The following PRKCZ variants were observed in gnomAD, a reference collection of about 807,000 sequenced individuals.
PRKCZ encodes the protein protein kinase C zeta, also known as protein kinase C zeta type.
In PRKCZ, 33 loss-of-function variants were observed where a neutral mutation model predicts 79.5. That is an observed-to-expected ratio of 0.41 (90% CI 0.31 to 0.55). The LOEUF is 0.55. Ranked by LOEUF, PRKCZ falls within the 20% of genes least tolerant of loss-of-function variation. The probability of loss-of-function intolerance (pLI) is 0.19; values close to 1 mark genes in which losing one functional copy is unlikely to be tolerated. For synonymous variants in PRKCZ, 342 were observed against 320.9 expected (o/e 1.07, Z -0.70); for missense variants, 578 against 813.5 (o/e 0.71, Z 3.52).
chr1:2,106,037 C>T (rs573446012), intron 4 of PRKCZ, among the ~76,000 whole-genome samples: 6 of 152,358 alleles, frequency 3.9e-5, no homozygotes, highest in South Asian at 4.1e-4. Flanking sequence ...GGCCCTTCCA[C>T]GTCTCCTGGC....
At chr1:2,092,074 G>T (rs1041613441) in intron 4 of PRKCZ, among the ~76,000 whole-genome samples, 2 of 152,126 alleles carry the variant, frequency 1.3e-5, no homozygotes, top group African/African-American at 4.8e-5. Flanking sequence ...CTGTGCGGCC[G>T]CAGAGTGAGA....
Position 2,094,976 on chromosome 1 carries a change from T to C in PRKCZ, c.334+35385T>C, listed in dbSNP as rs1369135936. 6.6e-6 allele frequency among the ~76,000 whole-genome samples: 1 copy of C among 152,168 alleles called. No individual in the cohort carries two copies. The highest frequency in any genetic ancestry group is 2.4e-5 in the African/African-American group (1 of 41,388). On this transcript the variant is annotated intron_variant, in intron 4 of 17. Transcript: ENST00000378567. The surrounding 1 kb of genome is among the most constrained non-coding windows in gnomAD (Gnocchi z 7.3). Reference sequence around the variant, plus strand: ...GCCCCCGCCGGCATGACACGGACACTGGTGCCCGAGTGATGCCTGTGGGTG... The same window carrying C: ...GCCCCCGCCGGCATGACACGGACACCGGTGCCCGAGTGATGCCTGTGGGTG...
intron 4 of PRKCZ, among the ~76,000 whole-genome samples, chr1:2,095,848 C>T (rs1308550786): frequency 8.4e-6 from 1 of 119,662 alleles, no homozygotes; most frequent in Non-Finnish European, 1.8e-5. Context: ...TCCTCTTTTC[C>T]CCTCCCTTCC....
intron 4 of PRKCZ, among the ~76,000 whole-genome samples, chr1:2,130,994 C>T (rs768149812): frequency 3.7e-4 from 57 of 152,284 alleles, no homozygotes; most frequent in African/African-American, 4.8e-4. Flanking sequence ...TCGACCCTCC[C>T]GCAAGCAGTG....
rs1423945921 is a variant in PRKCZ, at chr1:2,177,067, C to T, written c.1575+1754C>T. Among the ~76,000 whole-genome samples, 3 of 152,206 alleles carry T rather than the reference C, an allele frequency of 2.0e-5. No homozygotes were observed. Among genetic ancestry groups the T allele is most frequent in the East Asian group, 1.9e-4 (1 of 5,208 alleles). ...TGGTTCTAACTGTCAGTCATCCTCA[C>T]GCCCAGGCCGGGGTTAGAGGTGGCG... On this transcript the variant is annotated intron_variant, in intron 16 of 17. Coordinates refer to ENST00000378567, the MANE Select transcript of PRKCZ (RefSeq NM_002744.6). This position sits in a 1 kb window ranked among gnomAD's most constrained non-coding sequence, Gnocchi z 6.4.
chr1:2,115,728 A>G (rs1409153818), intron 4 of PRKCZ, among the ~76,000 whole-genome samples: 1 of 152,180 alleles, frequency 6.6e-6, no homozygotes, highest in East Asian at 1.9e-4. Flanking sequence ...CACTTTGCTT[A>G]GTGTACCCGT....
intron 17 of PRKCZ, 101 bp downstream of exon 17, chr1:2,184,799 A>G (rs1285262161): frequency 2.9e-6 from 4 of 1,388,234 alleles, no homozygotes; most frequent in African/African-American, 1.4e-5. Context: ...CTTGAGTCCC[A>G]CCCGCCTGGT....
intron 4 of PRKCZ, among the ~76,000 whole-genome samples, chr1:2,068,850 A>G (rs989836600): frequency 2.6e-5 from 4 of 152,210 alleles, no homozygotes; most frequent in Admixed American, 2.0e-4. Context: ...CTGGCAGGAC[A>G]GACAGCAGGT....
Position 2,184,632 on chromosome 1 carries a change from A to T in PRKCZ, c.1625A>T (p.Asp542Val), listed in dbSNP as rs765251717. ...LPPFQPQITD[D>V]YGLDNFDTQF... ...CCATTCCAGCCACAGATCACAGACG[A>T]CTACGGTCTGGACAACTTTGACACA... is the stretch of plus-strand genomic sequence containing the variant. The change falls in exon 17 of 18, where the codon GAC (aspartate) becomes GTC (valine). Residue 542 changes from aspartate (D) to valine (V), a missense_variant. By Grantham distance (152) the Asp-to-Val change is radical. This residue lies in a region of PRKCZ where 243 missense variants were observed against 467.0 expected (regional missense o/e 0.52). Transcript: ENST00000378567. The T allele has an allele frequency of 6.2e-7, 1 of 1,614,078 alleles. No homozygotes were observed. Among genetic ancestry groups the T allele is most frequent in the East Asian group, 2.2e-5 (1 of 44,884 alleles).
At chr1:2,117,100 C>T (rs1171941000) in intron 4 of PRKCZ, among the ~76,000 whole-genome samples, 4 of 152,070 alleles carry the variant, frequency 2.6e-5, no homozygotes, top group Non-Finnish European at 5.9e-5. Flanking sequence ...CAGGTGTGCA[C>T]CACCATGCCC....
rs1192012068 is a variant in PRKCZ, at chr1:2,094,108, G to A, written c.334+34517G>A. On this transcript the variant is annotated intron_variant, in intron 4 of 17. Transcript: ENST00000378567. This position sits in a 1 kb window ranked among gnomAD's most constrained non-coding sequence, Gnocchi z 7.3. ...AGCCACATCCCTTGGGAGCCTGCTT[G>A]TCTCTAGAACCTTCTGCCTGATGCA... Among the ~76,000 whole-genome samples, 1 of 152,162 alleles carries A rather than the reference G, an allele frequency of 6.6e-6. No homozygotes were observed. The highest frequency in any genetic ancestry group is 1.5e-5 in the Non-Finnish European group (1 of 68,042).
rs3817359 is a variant in PRKCZ at position 2,174,875 on chromosome 1, C to T, written c.1485+42C>T. Reference sequence around the variant, plus strand: ...GCTGACAAAATCTCGTTTGTGGCCTCGGTGTTGGTGGGCAGAGGGCCAGGC... The same window carrying T: ...GCTGACAAAATCTCGTTTGTGGCCTTGGTGTTGGTGGGCAGAGGGCCAGGC... On this transcript the variant is annotated intron_variant, in intron 15 of 17. Coordinates refer to ENST00000378567, the MANE Select transcript of PRKCZ (RefSeq NM_002744.6). The surrounding 1 kb of genome is among the most constrained non-coding windows in gnomAD (Gnocchi z 6.2). The T allele has an allele frequency of 3.5e-4, 550 of 1,593,788 alleles. 7 individuals carry two copies. The East Asian group carries it at 0.012, about 35-fold the overall frequency.
chr1:2,158,682 G>A (rs1008297428), intron 10 of PRKCZ, among the ~76,000 whole-genome samples: 1 of 152,224 alleles, frequency 6.6e-6, no homozygotes, highest in African/African-American at 2.4e-5. Flanking sequence ...TTGTAGGGAT[G>A]TAGATGTATA....
chr1:2,152,236 A>G (rs1680039179), intron 9 of PRKCZ, among the ~76,000 whole-genome samples: 1 of 152,194 alleles, frequency 6.6e-6, no homozygotes, highest in Non-Finnish European at 1.5e-5. Context: ...TTGCCATTTT[A>G]AAGTGTACAG....
intron 2 of PRKCZ, among the ~76,000 whole-genome samples, 169 bp from the exon 3 acceptor site, chr1:2,056,315 A>G (rs1660155017): frequency 1.3e-5 from 2 of 152,074 alleles, no homozygotes; most frequent in African/African-American, 4.8e-5. Context: ...GTGACTCCCT[A>G]GTGTGGACGG....
chr1:2,132,455 A>T (rs1428854789), intron 4 of PRKCZ, among the ~76,000 whole-genome samples: 1 of 152,148 alleles, frequency 6.6e-6, no homozygotes, highest in Non-Finnish European at 1.5e-5. Context: ...CCCAGAGAAT[A>T]AGCCATTTCT....
chr1:2,107,189 C>G (rs1040110591), intron 4 of PRKCZ, among the ~76,000 whole-genome samples: 1 of 152,242 alleles, frequency 6.6e-6, no homozygotes, highest in East Asian at 1.9e-4. Context: ...TCTCGTGATT[C>G]GTGTAACAGT....
chr1:2,094,007 G>A lies in PRKCZ; in HGVS notation c.334+34416G>A, dbSNP rs1456016678. On this transcript the variant is annotated intron_variant, in intron 4 of 17. Coordinates refer to ENST00000378567, the MANE Select transcript of PRKCZ (RefSeq NM_002744.6). This position sits in a 1 kb window ranked among gnomAD's most constrained non-coding sequence, Gnocchi z 7.3. ...GGAGGAAGTGCTGCCTGACACGTGT[G>A]TCTGCTCCCTGCGGCACGTCCACAG... is the stretch of plus-strand genomic sequence containing the variant. 6.6e-6 allele frequency among the ~76,000 whole-genome samples: 1 copy of A among 152,176 alleles called. No homozygotes were observed. Among genetic ancestry groups the A allele is most frequent in the Non-Finnish European group, 1.5e-5 (1 of 68,028 alleles).
chr1:2,137,310 G>C (rs1302123115), intron 5 of PRKCZ, among the ~76,000 whole-genome samples: 1 of 152,156 alleles, frequency 6.6e-6, no homozygotes, highest in Non-Finnish European at 1.5e-5. Flanking sequence ...CAGCTGATTG[G>C]ACGCCACCGC....
Sources: allele counts gnomAD v4.1 joint callset (sites outside exome capture counted in the v4.1 genomes callset), GRCh38; gene constraint gnomAD v4.1.1; regional missense constraint gnomAD v4.1.1; non-coding constraint Gnocchi (gnomAD v3.1); transcripts MANE v1.5; gene names NCBI Gene and HGNC (gene_info 2026-07-23, HGNC 2026-07-21).